The following SORCS2 variants were observed in gnomAD, a reference collection of about 807,000 sequenced individuals.
SORCS2 encodes the protein sortilin related VPS10 domain containing receptor 2, also known as VPS10 domain-containing receptor SorCS2.
A neutral mutation model predicts 141.6 loss-of-function variants in SORCS2; 100 were observed. The observed-to-expected ratio is 0.71, with a 90% CI of 0.60 to 0.83. The LOEUF is 0.83. Ranked by LOEUF, SORCS2 falls within the 40% of genes least tolerant of loss-of-function variation. The pLI is 0.00. For missense variants in SORCS2, 1,646 were observed against 1,560.2 expected (o/e 1.05, Z -0.93); for synonymous variants, 789 against 676.9 (o/e 1.17, Z -2.57).
chr4:7,520,812 A>G (rs1300608936), intron 2 of SORCS2, among the ~76,000 whole-genome samples: 1 of 152,236 alleles, frequency 6.6e-6, no homozygotes, highest in Non-Finnish European at 1.5e-5. Flanking sequence ...TGGGTAACGC[A>G]CAGGTGAAAT....
chr4:7,547,048 G>T (rs997885638), intron 3 of SORCS2, among the ~76,000 whole-genome samples: 1 of 152,090 alleles, frequency 6.6e-6, no homozygotes, highest in Non-Finnish European at 1.5e-5. Context: ...CTGCTTTCTG[G>T]TGCCGAGAAA....
rs1327290728 is a variant in SORCS2, at chr4:7,663,863, G to A, written c.953-490G>A. ...GCCCCTCCACATAAATTTGCCCCGG[G>A]GAAACAGAAGAACTTCAAATTAGCA... On this transcript the variant is annotated intron_variant, in intron 6 of 26. Transcript: ENST00000507866. This position sits in a 1 kb window ranked among gnomAD's most constrained non-coding sequence, Gnocchi z 4.8. 1.3e-5 allele frequency among the ~76,000 whole-genome samples: 2 copies of A among 152,136 alleles called. No homozygotes were observed. Among genetic ancestry groups the A allele is most frequent in the African/African-American group, 4.8e-5 (2 of 41,422 alleles).
At chr4:7,227,055 G>A (rs1707636803) in intron 1 of SORCS2, among the ~76,000 whole-genome samples, 1 of 151,806 alleles carries the variant, frequency 6.6e-6, no homozygotes, top group Non-Finnish European at 1.5e-5. Flanking sequence ...TTATGCACCT[G>A]TGGGTACTCT....
chr4:7,280,981 A>G lies in SORCS2; in HGVS notation c.480+87855A>G, dbSNP rs3846420. Among the ~76,000 whole-genome samples the G allele has an allele frequency of 4.6e-3, 699 of 152,310 alleles. 3 individuals carry two copies. The highest frequency in any genetic ancestry group is 0.016 in the African/African-American group (672 of 41,556). On this transcript the variant is annotated intron_variant, in intron 1 of 26. Transcript: ENST00000507866. ...CTCAAAGCCCTTTCTCCCACTGCCC[A>G]AAGAGCCCAGTGTGAGGACTTAATT...
intron 3 of SORCS2, among the ~76,000 whole-genome samples, chr4:7,563,413 T>A (rs993519870): frequency 1.1e-4 from 16 of 152,090 alleles, no homozygotes; most frequent in African/African-American, 3.9e-4. Context: ...CCAGGGCAAG[T>A]CTAGTGCAAC....
intron 1 of SORCS2, among the ~76,000 whole-genome samples, chr4:7,230,496 T>G (rs1711780335): frequency 7.0e-6 from 1 of 142,262 alleles, no homozygotes; most frequent in Non-Finnish European, 1.5e-5. Context: ...CAGTGTCATG[T>G]GCTCATGTAT....
At chr4:7,737,313 C>T (rs1218539473) in intron 26 of SORCS2, 141 bp downstream of exon 26, 12 of 1,215,794 alleles carry the variant, frequency 9.9e-6, no homozygotes, top group African/African-American at 9.2e-5. Context: ...GCCAGCGGGT[C>T]GGTCGGGCCC....
chr4:7,630,626 C>A (rs531900617), intron 3 of SORCS2, among the ~76,000 whole-genome samples: 1 of 152,182 alleles, frequency 6.6e-6, no homozygotes, highest in African/African-American at 2.4e-5. Flanking sequence ...GAACATCCAG[C>A]GAGCTGTGTG....
intron 23 of SORCS2, among the ~76,000 whole-genome samples, chr4:7,730,379 A>G (rs1404978994): frequency 6.6e-6 from 1 of 152,178 alleles, no homozygotes; most frequent in Non-Finnish European, 1.5e-5. Context: ...AGTTATACCT[A>G]AGTTACCGCA....
At chr4:7,407,264 T>A in intron 2 of SORCS2, among the ~76,000 whole-genome samples, 1 of 152,110 alleles carries the variant, frequency 6.6e-6, no homozygotes, top group East Asian at 1.9e-4. Flanking sequence ...TAGCTGCTCA[T>A]AACTGAGAGG....
chr4:7,741,142 G>A lies in SORCS2; in HGVS notation c.*878G>A. Reference sequence around the variant, plus strand: ...CTCTGGAAGGAGCCAGATGCCCCCAGAAAGGTGGGTGGTGGAGACGGCACC... The same window carrying A: ...CTCTGGAAGGAGCCAGATGCCCCCAAAAAGGTGGGTGGTGGAGACGGCACC... On this transcript the variant is annotated 3_prime_UTR_variant, in exon 27 of 27. Coordinates refer to ENST00000507866, the MANE Select transcript of SORCS2 (RefSeq NM_020777.3). 2.5e-6 allele frequency: 1 copy of A among 398,704 alleles called. No individual in the cohort carries two copies. The highest frequency in any genetic ancestry group is 4.4e-6 in the Non-Finnish European group (1 of 226,126). The allele number at this position is 398,704 out of a possible 1,614,324, so 24.7% of individuals were successfully genotyped here.
intron 3 of SORCS2, among the ~76,000 whole-genome samples, chr4:7,565,980 A>T (rs372813694): frequency 2.9e-5 from 1 of 34,548 alleles, no homozygotes; most frequent in African/African-American, 4.9e-5. Context: ...GATGATGGTG[A>T]TGATAATGGT....
intron 2 of SORCS2, among the ~76,000 whole-genome samples, chr4:7,466,612 G>C (rs1025176394): frequency 5.3e-5 from 8 of 152,310 alleles, no homozygotes; most frequent in African/African-American, 1.9e-4. Flanking sequence ...GGAAACACGG[G>C]GTCCTGTAGG....
intron 3 of SORCS2, among the ~76,000 whole-genome samples, chr4:7,554,253 A>T (rs1713941816): frequency 6.6e-6 from 1 of 152,172 alleles, no homozygotes; most frequent in Non-Finnish European, 1.5e-5. Flanking sequence ...GGCAGGATGC[A>T]CTCCCAGTGC....
intron 1 of SORCS2, among the ~76,000 whole-genome samples, chr4:7,385,541 A>G (rs996476513): frequency 2.0e-5 from 3 of 152,168 alleles, no homozygotes; most frequent in Admixed American, 1.3e-4. Context: ...GTTTGAGTCC[A>G]TCACAGCTGG....
chr4:7,462,293 G>T (rs528034552), intron 2 of SORCS2, among the ~76,000 whole-genome samples: 1 of 152,330 alleles, frequency 6.6e-6, no homozygotes, highest in Admixed American at 6.5e-5. Context: ...CCTGTGAGCG[G>T]GAGATGTGAG....
chr4:7,515,991 G>A (rs1560348111), intron 2 of SORCS2, among the ~76,000 whole-genome samples: 1 of 152,146 alleles, frequency 6.6e-6, no homozygotes, highest in Non-Finnish European at 1.5e-5. Flanking sequence ...CTCGGCTCTC[G>A]CAGCAGGGTT....
chr4:7,566,591 T>C (rs943253757), intron 3 of SORCS2, among the ~76,000 whole-genome samples: 1 of 152,240 alleles, frequency 6.6e-6, no homozygotes, highest in Non-Finnish European at 1.5e-5. Flanking sequence ...ATCTCAGTTG[T>C]TCAACACAAC....
chr4:7,309,708 T>C (rs1415240899), intron 1 of SORCS2, among the ~76,000 whole-genome samples: 7 of 152,222 alleles, frequency 4.6e-5, no homozygotes, highest in African/African-American at 1.7e-4. Context: ...CTCGAGGCTC[T>C]GGGCTACCTG....
Sources: allele counts gnomAD v4.1 joint callset (sites outside exome capture counted in the v4.1 genomes callset), GRCh38; gene constraint gnomAD v4.1.1; non-coding constraint Gnocchi (gnomAD v3.1); transcripts MANE v1.5; gene names NCBI Gene and HGNC (gene_info 2026-07-23, HGNC 2026-07-21).